CHODL: variants seen among roughly 807,000 people sequenced by gnomAD.
CHODL encodes transmembrane protein MT75.
Under a neutral mutation model 34.5 loss-of-function variants are expected in CHODL, and 29 were observed. That is an observed-to-expected ratio of 0.84 (90% CI 0.63 to 1.15). CHODL has a LOEUF of 1.15. Ranked by LOEUF, CHODL falls within the 50% of genes most tolerant of loss-of-function variation. CHODL has a pLI of 0.00. For missense variants in CHODL, 332 were observed against 332.5 expected (o/e 1.00, Z 0.01); for synonymous variants, 125 against 116.1 (o/e 1.08, Z -0.49).
intron 1 of CHODL, among the ~76,000 whole-genome samples, chr21:17,998,770 A>G (rs564376086): frequency 6.6e-6 from 1 of 152,232 alleles, no homozygotes; most frequent in Non-Finnish European, 1.5e-5. Context: ...TCTAGGCTGC[A>G]TACAGCTTGG....
At position 18,244,996 on chromosome 21, in the gene CHODL, C is replaced by T. The variant is rs943388587; in HGVS notation, c.-228C>T. ...AACTTCAGTCCCCCAAACGCGCACC[C>T]TCGAAGTCTTGAACTCCAGCCCCGC... On this transcript the variant is annotated 5_prime_UTR_variant, in exon 1 of 6. Coordinates refer to ENST00000299295, the MANE Select transcript of CHODL (RefSeq NM_024944.3). 2.2e-6 allele frequency: 1 copy of T among 461,584 alleles called. No individual in the cohort carries two copies. Among genetic ancestry groups the T allele is most frequent in the Non-Finnish European group, 3.8e-6 (1 of 263,926 alleles). The allele number at this position is 461,584 out of a possible 1,614,324, so 28.6% of individuals were successfully genotyped here. A position where few individuals can be genotyped will look rare whatever the true frequency, so the allele number is the denominator to read the frequency against.
intron 1 of CHODL, among the ~76,000 whole-genome samples, chr21:18,249,036 TATA>T (rs1320612805): frequency 1.3e-4 from 16 of 121,136 alleles, no homozygotes; most frequent in South Asian, 4.4e-4. Flanking sequence ...TATTAATATA[TATA>T]ATATTATATA....
At chr21:18,090,726 GAAAA>G (rs5842674) in intron 2 of CHODL, among the ~76,000 whole-genome samples, 5 of 125,164 alleles carry the variant, frequency 4.0e-5, no homozygotes, top group African/African-American at 6.2e-5. Context: ...ATAATTTCCA[GAAAA>G]AAAAAAAAAA....
chr21:18,225,859 T>A (rs2073926450), intron 2 of CHODL, among the ~76,000 whole-genome samples: 1 of 152,180 alleles, frequency 6.6e-6, no homozygotes, highest in Admixed American at 6.5e-5. Flanking sequence ...ATAAATAGAC[T>A]GCCTACTCCA....
intron 2 of CHODL, among the ~76,000 whole-genome samples, chr21:18,160,991 T>C (rs1463893666): frequency 1.3e-5 from 2 of 152,218 alleles, no homozygotes; most frequent in Non-Finnish European, 2.9e-5. Flanking sequence ...CTTGCCAGTA[T>C]CTGCTATTTT....
intron 2 of CHODL, among the ~76,000 whole-genome samples, chr21:18,174,094 A>G (rs1248128076): frequency 2.2e-4 from 3 of 13,592 alleles, no homozygotes; most frequent in East Asian, 6.4e-4. Flanking sequence ...GGAAACAAAT[A>G]CAGGATATAT....
intron 2 of CHODL, among the ~76,000 whole-genome samples, chr21:18,155,247 T>C (rs893517104): frequency 4.6e-5 from 7 of 152,296 alleles, no homozygotes; most frequent in African/African-American, 1.7e-4. Flanking sequence ...AAATCTGATA[T>C]AAGAAAACAG....
At chr21:18,119,712 T>C (rs2065457037) in intron 2 of CHODL, among the ~76,000 whole-genome samples, 1 of 152,000 alleles carries the variant, frequency 6.6e-6, no homozygotes, top group South Asian at 2.1e-4. Flanking sequence ...ATAATAGCAG[T>C]GGAGGAAAGA....
chr21:18,098,396 A>T (rs1298892169), intron 2 of CHODL, among the ~76,000 whole-genome samples: 1 of 152,098 alleles, frequency 6.6e-6, no homozygotes, highest in East Asian at 1.9e-4. Context: ...AAAATGGGCA[A>T]AAGAGTTAAA....
chr21:18,036,702 A>G (rs2064315075), intron 2 of CHODL, among the ~76,000 whole-genome samples: 2 of 151,958 alleles, frequency 1.3e-5, no homozygotes, highest in South Asian at 4.1e-4. Context: ...AAGCTTTTCT[A>G]ATTTTTTTCT....
At chr21:18,086,010 A>G (rs978839168) in intron 2 of CHODL, among the ~76,000 whole-genome samples, 1 of 70,688 alleles carries the variant, frequency 1.4e-5, no homozygotes, top group Non-Finnish European at 2.9e-5. Flanking sequence ...TGATTGTTTT[A>G]TGTGATTCCA....
At chr21:18,220,516 C>T (rs1244843442) in intron 2 of CHODL, among the ~76,000 whole-genome samples, 1 of 152,046 alleles carries the variant, frequency 6.6e-6, no homozygotes, top group Non-Finnish European at 1.5e-5. Context: ...TTTATACTTA[C>T]ATGTATTTTA....
intron 1 of CHODL, among the ~76,000 whole-genome samples, chr21:18,255,108 A>G (rs2074300629): frequency 6.6e-6 from 1 of 152,088 alleles, no homozygotes. Flanking sequence ...GAATGCTGTA[A>G]CATGAAAACC....
intron 1 of CHODL, among the ~76,000 whole-genome samples, chr21:17,927,116 GTATA>G (rs200152087): frequency 7.5e-6 from 1 of 133,070 alleles, no homozygotes; most frequent in Non-Finnish European, 1.5e-5. Flanking sequence ...ATGTATATAT[GTATA>G]TATGTATATA....
chr21:18,262,731 T>G, intron 4 of CHODL, 60 bp from the exon 5 acceptor site: 1 of 940,434 alleles, frequency 1.1e-6, no homozygotes, highest in Non-Finnish European at 1.7e-6. Context: ...TTCTTACATA[T>G]TTTTGCTTTA....
At chr21:17,946,395 G>C (rs1356502397) in intron 1 of CHODL, among the ~76,000 whole-genome samples, 2 of 152,176 alleles carry the variant, frequency 1.3e-5, no homozygotes, top group Non-Finnish European at 2.9e-5. Context: ...ACTCCAGCCT[G>C]GGCGACAAAG....
chr21:18,231,027 T>C (rs1181477855), intron 2 of CHODL, among the ~76,000 whole-genome samples: 1 of 152,146 alleles, frequency 6.6e-6, no homozygotes, highest in African/African-American at 2.4e-5. Context: ...CCAATGTTTA[T>C]GTAGCCCCGA....
intron 1 of CHODL, among the ~76,000 whole-genome samples, chr21:17,991,867 C>A: frequency 6.6e-6 from 1 of 152,054 alleles, no homozygotes; most frequent in East Asian, 1.9e-4. Context: ...TAGCCATTTG[C>A]TTTTGAAGTC....
chr21:18,061,382 A>G (rs1485277026), intron 2 of CHODL, among the ~76,000 whole-genome samples: 2 of 152,206 alleles, frequency 1.3e-5, no homozygotes, highest in Admixed American at 1.3e-4. Context: ...AAAAAACTAA[A>G]TATTATGTCT....
Sources: gnomAD v4.1 joint callset for allele counts (sites outside exome capture counted in the v4.1 genomes callset) on GRCh38, gnomAD v4.1.1 for gene constraint, MANE v1.5 for transcripts, NCBI Gene and HGNC (gene_info 2026-07-23, HGNC 2026-07-21) for gene names.